Variants in DAPK1 observed in about 807,000 individuals in gnomAD.
DAPK1 encodes the protein death-associated protein kinase 1.
Under a neutral mutation model 144.9 loss-of-function variants are expected in DAPK1, and 56 were observed. The ratio of observed to expected loss-of-function variants is 0.39; its 90% CI spans 0.31 to 0.48. The LOEUF (loss-of-function observed/expected upper bound fraction) is 0.48, where lower values mean the gene tolerates loss of function less well. DAPK1 is among the 20% of genes least tolerant of loss of function. DAPK1 has a pLI of 0.95. For synonymous variants in DAPK1, 690 were observed against 749.0 expected, an observed-to-expected ratio of 0.92 and a Z score of 1.29; for missense variants, 1,454 against 1,875.4, an observed-to-expected ratio of 0.78 and a Z score of 4.15.
At chr9:87,635,974 T>C (rs1829881081) in intron 3 of DAPK1, among the ~76,000 whole-genome samples, 1 of 152,178 alleles carries the variant, frequency 6.6e-6, no homozygotes, top group South Asian at 2.1e-4. Flanking sequence ...GTTCACAATC[T>C]CCCACTTTTT....
In DAPK1 at chr9:87,707,171, C is replaced by T. The variant is rs1825673283; in HGVS notation, c.4100C>T (p.Thr1367Ile). The change falls in exon 26 of 26, where the codon ACC becomes ATC. Residue 1367 changes from threonine (T) to isoleucine (I), a missense_variant. By Grantham distance (89) the Thr-to-Ile change is moderately conservative. Coordinates refer to ENST00000408954, the MANE Select transcript of DAPK1 (RefSeq NM_004938.4). The surrounding 1 kb of genome is among the most constrained non-coding windows in gnomAD (Gnocchi z 4.0). ...PLHALLREWT[T>I]YPESTVGTLM... Reference sequence around the variant, plus strand: ...CACGCCCTGCTGCGGGAATGGACCACCTACCCTGAGAGCACAGTGGGCACC... The same window carrying T: ...CACGCCCTGCTGCGGGAATGGACCATCTACCCTGAGAGCACAGTGGGCACC... 1.9e-6 allele frequency: 3 copies of T among 1,613,870 alleles called. No homozygotes were observed. Among genetic ancestry groups the T allele is most frequent in the Admixed American group, 1.7e-5 (1 of 59,998 alleles).
At chr9:87,607,166 G>A (rs1285049720) in intron 3 of DAPK1, among the ~76,000 whole-genome samples, 1 of 152,110 alleles carries the variant, frequency 6.6e-6, no homozygotes, top group Non-Finnish European at 1.5e-5. Context: ...GACAAATCAT[G>A]GTGTAATCCT....
intron 21 of DAPK1, among the ~76,000 whole-genome samples, chr9:87,695,513 C>A (rs1357133272): frequency 6.6e-6 from 1 of 152,172 alleles, no homozygotes; most frequent in African/African-American, 2.4e-5. Flanking sequence ...CAGGTGGAAT[C>A]TAATCTGCAG....
Position 87,528,671 on chromosome 9 carries a change from T to G in DAPK1, c.62+29532T>G, listed in dbSNP as rs1438053807. Among the ~76,000 whole-genome samples the G allele has an allele frequency of 3.3e-5, 5 of 151,392 alleles. No individual in the cohort carries two copies. In the South Asian group the frequency reaches 6.3e-4, roughly 19 times the overall value. On this transcript the variant is annotated intron_variant, in intron 2 of 25. Coordinates refer to ENST00000408954, the MANE Select transcript of DAPK1 (RefSeq NM_004938.4). The stretch of plus-strand genomic sequence containing the variant: ...TAAAAATCACCTCCGACTCCTGAGC[T>G]CAGGCCTGGGCAACATGGTGGAACC...
intron 2 of DAPK1, among the ~76,000 whole-genome samples, chr9:87,601,785 G>A (rs899163595): frequency 6.6e-6 from 1 of 152,152 alleles, no homozygotes; most frequent in African/African-American, 2.4e-5. Context: ...GCCTAGAGTG[G>A]CTAAGTCCTA....
At chr9:87,653,418 T>G (rs1830525769) in intron 17 of DAPK1, among the ~76,000 whole-genome samples, 1 of 152,250 alleles carries the variant, frequency 6.6e-6, no homozygotes, top group Non-Finnish European at 1.5e-5. Flanking sequence ...ATGTGACTTT[T>G]GAATAATTTC....
chr9:87,542,386 G>T (rs1261573439), intron 2 of DAPK1, among the ~76,000 whole-genome samples: 2 of 152,168 alleles, frequency 1.3e-5, no homozygotes, highest in Non-Finnish European at 2.9e-5. Context: ...TGAGGGATTT[G>T]CTGACAGTGA....
At chr9:87,633,551 C>G (rs1441429886) in intron 3 of DAPK1, among the ~76,000 whole-genome samples, 1 of 152,098 alleles carries the variant, frequency 6.6e-6, no homozygotes, top group Non-Finnish European at 1.5e-5. Flanking sequence ...ATGATGAAAA[C>G]TAAGAGGATC....
In DAPK1 at chr9:87,707,776, ATTTC is replaced by A. The variant is rs1334087869; in HGVS notation, c.*415_*418del. ...AAGTGCATATTTATCCAAAATGTGT[ATTTC>A]TTATACGCTTTTCTTTGTTATACCA... On this transcript the variant is annotated 3_prime_UTR_variant, in exon 26 of 26. Coordinates refer to ENST00000408954, the MANE Select transcript of DAPK1 (RefSeq NM_004938.4). The surrounding 1 kb of genome is among the most constrained non-coding windows in gnomAD (Gnocchi z 4.0). 2.2e-6 allele frequency: 1 copy of A among 451,456 alleles called. No homozygotes were observed. The highest frequency in any genetic ancestry group is 4.4e-6 in the Non-Finnish European group (1 of 228,112). The allele number at this position is 451,456 out of a possible 1,614,324, so 28.0% of individuals were successfully genotyped here.
At chr9:87,553,253 TGGG>T (rs1476385012) in intron 2 of DAPK1, among the ~76,000 whole-genome samples, 1 of 151,844 alleles carries the variant, frequency 6.6e-6, no homozygotes, top group Non-Finnish European at 1.5e-5. Flanking sequence ...TGGGGGGGGT[TGGG>T]TGATTGGAAA....
At position 87,553,019 on chromosome 9, in the gene DAPK1, CTG is replaced by C. The variant is rs148949540; in HGVS notation, c.63-51931_63-51930del. Among the ~76,000 whole-genome samples the C allele has an allele frequency of 3.6e-3, 542 of 152,296 alleles. 7 individuals are homozygous for C. Among genetic ancestry groups the C allele is most frequent in the African/African-American group, 0.012 (510 of 41,560 alleles). On this transcript the variant is annotated intron_variant, in intron 2 of 25. Transcript: ENST00000408954. ...ACTTTTTCGTCATCCCAAGCTGAAACTGTGTATCCATTAAATACTAACTACAT... is the reference window on the plus strand; with the variant it reads ...ACTTTTTCGTCATCCCAAGCTGAAACTGTATCCATTAAATACTAACTACAT...
chr9:87,635,447 C>T (rs764622086), intron 3 of DAPK1, among the ~76,000 whole-genome samples: 14 of 152,266 alleles, frequency 9.2e-5, no homozygotes, highest in Middle Eastern at 3.4e-3. Flanking sequence ...AGAAAGCCGG[C>T]GGCTGGGCAC....
rs559134765 is a variant in DAPK1 at position 87,581,796 on chromosome 9, G to A, written c.63-23158G>A. On this transcript the variant is annotated intron_variant, in intron 2 of 25. Transcript: ENST00000408954. ...TACACAGGAAGATGTCTGCCACCGG[G>A]GAACAAACCAGCAATTCATCTCATG... is the stretch of plus-strand genomic sequence containing the variant. Among the ~76,000 whole-genome samples, 3 of 152,254 alleles carry A rather than the reference G, an allele frequency of 2.0e-5. No homozygotes were observed. In the East Asian group the frequency reaches 5.8e-4, roughly 29 times the overall value.
intron 17 of DAPK1, among the ~76,000 whole-genome samples, chr9:87,654,945 A>G (rs1414343406): frequency 1.3e-5 from 2 of 152,184 alleles, no homozygotes; most frequent in Non-Finnish European, 2.9e-5. Flanking sequence ...ACAGTCCCAG[A>G]CTTTCATGTT....
At chr9:87,594,443 G>A (rs1205277167) in intron 2 of DAPK1, among the ~76,000 whole-genome samples, 3 of 152,218 alleles carry the variant, frequency 2.0e-5, no homozygotes, top group Non-Finnish European at 4.4e-5. Context: ...GACGTGTCTT[G>A]TTAGTAAATT....
chr9:87,671,097 C>G (rs1831234988), intron 19 of DAPK1, among the ~76,000 whole-genome samples: 1 of 152,150 alleles, frequency 6.6e-6, no homozygotes, highest in Non-Finnish European at 1.5e-5. Flanking sequence ...AGGTCCTTCT[C>G]CCGTCCTCTG....
At chr9:87,540,909 A>G (rs1292820126) in intron 2 of DAPK1, among the ~76,000 whole-genome samples, 1 of 152,186 alleles carries the variant, frequency 6.6e-6, no homozygotes, top group Non-Finnish European at 1.5e-5. Flanking sequence ...CCCCGAGTTC[A>G]TCTGGACTGT....
chr9:87,686,321 A>G lies in DAPK1; in HGVS notation c.2225-230A>G, dbSNP rs1345426133. On this transcript the variant is annotated intron_variant, in intron 20 of 25. Coordinates refer to ENST00000408954, the MANE Select transcript of DAPK1 (RefSeq NM_004938.4). This position sits in a 1 kb window ranked among gnomAD's most constrained non-coding sequence, Gnocchi z 4.2. ...CCCTAGGACCAGCCACCCGGGCAAC[A>G]GGGCGGGGCAGAAAAGGTTGTGGGG... is the stretch of plus-strand genomic sequence containing the variant. Among the ~76,000 whole-genome samples, 1 of 152,136 alleles carries G rather than the reference A, an allele frequency of 6.6e-6. No homozygotes were observed. Among genetic ancestry groups the G allele is most frequent in the Non-Finnish European group, 1.5e-5 (1 of 68,008 alleles).
At chr9:87,582,743 C>T (rs575019748) in intron 2 of DAPK1, among the ~76,000 whole-genome samples, 7 of 151,924 alleles carry the variant, frequency 4.6e-5, no homozygotes, top group Non-Finnish European at 7.4e-5. Context: ...TTAGTAGAGA[C>T]GGGGTTTCAC....
Sources: allele counts gnomAD v4.1 joint callset (sites outside exome capture counted in the v4.1 genomes callset), GRCh38; gene constraint gnomAD v4.1.1; non-coding constraint Gnocchi (gnomAD v3.1); transcripts MANE v1.5; gene names NCBI Gene and HGNC (gene_info 2026-07-23, HGNC 2026-07-21).